PRKDC: variants seen among roughly 807,000 people sequenced by gnomAD.
The protein encoded by PRKDC is protein kinase, DNA-activated, catalytic subunit.
Under a neutral mutation model 486.9 loss-of-function variants are expected in PRKDC, and 82 were observed. The observed-to-expected ratio is 0.17, with a 90% CI of 0.14 to 0.20. PRKDC has a LOEUF of 0.20. Among genes scored for constraint, PRKDC ranks in the 10% least tolerant of loss-of-function variants. The pLI is 1.00. For synonymous variants in PRKDC, 1,895 were observed against 1,837.0 expected (o/e 1.03, Z -0.81); for missense variants, 4,504 against 5,038.2 (o/e 0.89, Z 3.21).
At chr8:47,794,258 G>T (rs747345100) in intron 74 of PRKDC, 32 bp downstream of exon 74, 21 of 1,543,960 alleles carry the variant, frequency 1.4e-5, no homozygotes, top group East Asian at 2.3e-5. Context: ...TATAGTATTT[G>T]ATCAACCTAT....
intron 61 of PRKDC, among the ~76,000 whole-genome samples, chr8:47,829,812 C>T (rs1330095335): frequency 2.6e-5 from 4 of 152,128 alleles, no homozygotes; most frequent in Admixed American, 6.5e-5. Context: ...TCCATATTCA[C>T]GGATTAGAAG....
At chr8:47,847,103 A>T (rs902992797) in intron 54 of PRKDC, among the ~76,000 whole-genome samples, 1 of 152,242 alleles carries the variant, frequency 6.6e-6, no homozygotes, top group African/African-American at 2.4e-5. Flanking sequence ...ATTCCTATCA[A>T]ACTACCTATG....
intron 77 of PRKDC, among the ~76,000 whole-genome samples, chr8:47,784,830 G>C (rs530070941): frequency 2.0e-5 from 3 of 152,160 alleles, no homozygotes; most frequent in Non-Finnish European, 2.9e-5. Context: ...AATACATTCA[G>C]AGGAAATCTA....
At chr8:47,934,265 C>T (rs1359018740) in intron 14 of PRKDC, among the ~76,000 whole-genome samples, 175 bp from the exon 15 acceptor site, 6 of 152,200 alleles carry the variant, frequency 3.9e-5, no homozygotes, top group African/African-American at 9.7e-5. Flanking sequence ...AGGCCAGGTG[C>T]GGTGGCTCAC....
chr8:47,855,727 C>T (rs2088523372), intron 49 of PRKDC, among the ~76,000 whole-genome samples: 1 of 152,196 alleles, frequency 6.6e-6, no homozygotes, highest in African/African-American at 2.4e-5. Context: ...GTGCTTTCCC[C>T]ACTCCGACTC....
At chr8:47,838,531 G>A (rs1035204477) in intron 56 of PRKDC, among the ~76,000 whole-genome samples, 2 of 152,064 alleles carry the variant, frequency 1.3e-5, no homozygotes, top group South Asian at 2.1e-4. Flanking sequence ...AGGATCATAC[G>A]AACCCAGGAG....
intron 68 of PRKDC, among the ~76,000 whole-genome samples, chr8:47,814,781 A>G (rs1176412437): frequency 6.6e-6 from 1 of 152,214 alleles, no homozygotes; most frequent in Non-Finnish European, 1.5e-5. Context: ...CCCAATCAAA[A>G]TCTCAGCAGT....
intron 12 of PRKDC, 69 bp downstream of exon 12, chr8:47,936,284 G>A: frequency 6.7e-7 from 1 of 1,486,310 alleles, no homozygotes; most frequent in Non-Finnish European, 9.1e-7. Context: ...TGTATTGTAT[G>A]ACTCCATCAA....
chr8:47,934,133 C>A, intron 14 of PRKDC, 43 bp from the exon 15 acceptor site: 1 of 1,561,736 alleles, frequency 6.4e-7, no homozygotes, highest in South Asian at 1.2e-5. Context: ...GATGGATTCT[C>A]AGAAGCAGCA....
intron 25 of PRKDC, among the ~76,000 whole-genome samples, chr8:47,905,217 C>A (rs541206780): frequency 2.6e-5 from 4 of 152,062 alleles, no homozygotes; most frequent in South Asian, 4.1e-4. Flanking sequence ...TTTGTAGAGA[C>A]AGGGTTCCAC....
chr8:47,832,400 G>A (rs1329102729), intron 59 of PRKDC, among the ~76,000 whole-genome samples: 2 of 152,142 alleles, frequency 1.3e-5, no homozygotes, highest in African/African-American at 2.4e-5. Context: ...CAGGTTCTAA[G>A]GAAAGTTTCA....
At position 47,863,497 on chromosome 8, in the gene PRKDC, A is replaced by C. The variant is rs1170855074; in HGVS notation, c.5652T>G (p.Leu1884=). The change falls in exon 42 of 86, where the codon CTT becomes CTG. Residue 1884 remains leucine (L), a synonymous_variant. Transcript: ENST00000314191. ...YKILDVMYSR[L]PKDDVHAKES... is the part of the protein sequence containing the mutation. ...CCTTAGCATGAACATCATCTTTGGGAAGGCGAGAATACATCACGTCTAGAA... is the reference window on the plus strand; with the variant it reads ...CCTTAGCATGAACATCATCTTTGGGCAGGCGAGAATACATCACGTCTAGAA... The C allele has an allele frequency of 6.2e-7, 1 of 1,612,428 alleles. No homozygotes were observed. The highest frequency in any genetic ancestry group is 1.3e-5 in the African/African-American group (1 of 74,892).
intron 1 of PRKDC, 76 bp from the exon 2 acceptor site, chr8:47,957,507 T>A: frequency 8.2e-7 from 1 of 1,222,044 alleles, no homozygotes; most frequent in Non-Finnish European, 1.2e-6. Context: ...GGGGTTGCAA[T>A]GATTTTCTTA....
intron 22 of PRKDC, among the ~76,000 whole-genome samples, chr8:47,916,378 G>A (rs2089982829): frequency 6.6e-6 from 1 of 151,994 alleles, no homozygotes; most frequent in Non-Finnish European, 1.5e-5. Flanking sequence ...AACCCAGGAG[G>A]TGGAGGTTGC....
intron 40 of PRKDC, among the ~76,000 whole-genome samples, chr8:47,872,788 A>T (rs1589756676): frequency 6.6e-6 from 1 of 152,194 alleles, no homozygotes; most frequent in Admixed American, 6.5e-5. Flanking sequence ...CAGATATATA[A>T]ATCAAATATT....
At chr8:47,808,886 A>T (rs1410720425) in intron 68 of PRKDC, among the ~76,000 whole-genome samples, 1 of 151,778 alleles carries the variant, frequency 6.6e-6, no homozygotes, top group Non-Finnish European at 1.5e-5. Context: ...AAAATGTAAA[A>T]ATTAGCTGGG....
At chr8:47,833,090 A>G (rs1195275145) in intron 59 of PRKDC, among the ~76,000 whole-genome samples, 5 of 152,200 alleles carry the variant, frequency 3.3e-5, no homozygotes, top group African/African-American at 1.2e-4. Flanking sequence ...CTCAGCACCC[A>G]GGTGGCTCCA....
intron 38 of PRKDC, 68 bp downstream of exon 38, chr8:47,881,347 AC>A: frequency 1.0e-6 from 1 of 970,118 alleles, no homozygotes. Context: ...AAAATAAAAA[AC>A]ATCACAAATA....
At chr8:47,953,516 G>T (rs574379445) in intron 7 of PRKDC, 104 bp downstream of exon 7, 2 of 1,099,980 alleles carry the variant, frequency 1.8e-6, no homozygotes, top group East Asian at 5.2e-5. Context: ...TCTCACTACT[G>T]TATGTAAATT....
Sources: gnomAD v4.1 joint callset for allele counts (sites outside exome capture counted in the v4.1 genomes callset) on GRCh38, gnomAD v4.1.1 for gene constraint, MANE v1.5 for transcripts, NCBI Gene and HGNC (gene_info 2026-07-23, HGNC 2026-07-21) for gene names.